SEMA5A: variants seen among roughly 807,000 people sequenced by gnomAD.
The protein encoded by SEMA5A is semaphorin-5A.
In SEMA5A, 55 loss-of-function variants were observed where a neutral mutation model predicts 135.5. The ratio of observed to expected loss-of-function variants is 0.41; its 90% CI spans 0.33 to 0.51. The LOEUF (loss-of-function observed/expected upper bound fraction) is 0.51, where lower values mean the gene tolerates loss of function less well. Among genes scored for constraint, SEMA5A ranks in the 20% least tolerant of loss-of-function variants. The pLI is 0.37. For synonymous variants in SEMA5A, 580 were observed against 546.5 expected, an observed-to-expected ratio of 1.06 and a Z score of -0.85; for missense variants, 1,290 against 1,419.9, an observed-to-expected ratio of 0.91 and a Z score of 1.47.
intron 1 of SEMA5A, among the ~76,000 whole-genome samples, chr5:9,507,831 C>G (rs75341569): frequency 8.6e-5 from 13 of 151,830 alleles, no homozygotes; most frequent in Non-Finnish European, 1.8e-4. Flanking sequence ...GGTGAAACCC[C>G]GTCTCTTCTA....
Position 9,462,241 on chromosome 5 carries a change from C to T in SEMA5A, c.-174-24389G>A, listed in dbSNP as rs186228606. On this transcript the variant is annotated intron_variant, in intron 1 of 22. Transcript: ENST00000382496. The stretch of plus-strand genomic sequence containing the variant: ...TGAGAAAGATCTCAACATCACTGAT[C>T]GTTGAAGAAATGCAAACCAAAACCA... 5.8e-4 allele frequency among the ~76,000 whole-genome samples: 89 copies of T among 152,246 alleles called. 1 individual carries two copies. The East Asian group carries it at 0.013, about 23-fold the overall frequency.
intron 11 of SEMA5A, among the ~76,000 whole-genome samples, chr5:9,162,748 C>A (rs549140117): frequency 2.6e-4 from 40 of 151,456 alleles, no homozygotes; most frequent in Non-Finnish European, 5.1e-4. Flanking sequence ...CCAAGTTAAC[C>A]TTTCAAACAG....
intron 4 of SEMA5A, among the ~76,000 whole-genome samples, chr5:9,320,218 CCCCAAGAGAAGCT>C (rs1752567236): frequency 6.6e-6 from 1 of 152,198 alleles, no homozygotes; most frequent in East Asian, 1.9e-4. Flanking sequence ...CTCTGATATA[CCCCAAGAGAAGCT>C]CCCAGAAGCA....
chr5:9,454,711 G>A (rs1023794803), intron 1 of SEMA5A, among the ~76,000 whole-genome samples: 8 of 152,154 alleles, frequency 5.3e-5, no homozygotes, highest in African/African-American at 1.9e-4. Flanking sequence ...AGTCTTAAGC[G>A]CTTCTCCTCT....
chr5:9,377,554 G>C (rs1755416680), intron 3 of SEMA5A, among the ~76,000 whole-genome samples: 1 of 151,870 alleles, frequency 6.6e-6, no homozygotes, highest in African/African-American at 2.4e-5. Flanking sequence ...AAAAAAGAGA[G>C]AGAAAAAAGT....
At chr5:9,162,402 GTGTATATATA>G (rs754451745) in intron 11 of SEMA5A, among the ~76,000 whole-genome samples, 28 of 132,696 alleles carry the variant, frequency 2.1e-4, no homozygotes, top group African/African-American at 8.7e-4. Context: ...GTGTGTGTGT[GTGTATATATA>G]TGTGTGTGTA....
At chr5:9,534,948 G>A (rs948146229) in intron 1 of SEMA5A, among the ~76,000 whole-genome samples, 4 of 152,184 alleles carry the variant, frequency 2.6e-5, no homozygotes, top group African/African-American at 9.7e-5. Flanking sequence ...CTCTTGTCCT[G>A]ACTTGTGTAA....
chr5:9,192,869 T>TA (rs892092733), intron 10 of SEMA5A, among the ~76,000 whole-genome samples: 1 of 151,464 alleles, frequency 6.6e-6, no homozygotes, highest in East Asian at 1.9e-4. Flanking sequence ...GCATAGTGTT[T>TA]AAAAAAAAAT....
chr5:9,249,649 T>C (rs1458043279), intron 5 of SEMA5A, among the ~76,000 whole-genome samples: 2 of 152,312 alleles, frequency 1.3e-5, no homozygotes, highest in East Asian at 1.9e-4. Flanking sequence ...GATGTAGTTG[T>C]TGATATAAAA....
intron 16 of SEMA5A, among the ~76,000 whole-genome samples, chr5:9,097,458 A>G (rs766963427): frequency 6.6e-6 from 1 of 152,348 alleles, no homozygotes; most frequent in African/African-American, 2.4e-5. Flanking sequence ...GGAGATGACA[A>G]TATCTTTTGA....
chr5:9,400,382 T>C (rs1756598932), intron 2 of SEMA5A, among the ~76,000 whole-genome samples: 1 of 152,060 alleles, frequency 6.6e-6, no homozygotes, highest in Non-Finnish European at 1.5e-5. Context: ...TAAAAATAAA[T>C]TCTTTTTATC....
At chr5:9,435,964 A>T (rs1490571096) in intron 2 of SEMA5A, among the ~76,000 whole-genome samples, 1 of 152,206 alleles carries the variant, frequency 6.6e-6, no homozygotes, top group Non-Finnish European at 1.5e-5. Flanking sequence ...CTAAAATATG[A>T]CTGTTCTTAT....
Position 9,040,864 on chromosome 5 carries a change from C to G in SEMA5A, c.*2033G>C, listed in dbSNP as rs895189122. ...ATTAGGGAAGAAGACTCAAAAATAA[C>G]TAAAATGTGCTACAAAGTGAAAATG... On this transcript the variant is annotated 3_prime_UTR_variant, in exon 23 of 23. Transcript: ENST00000382496. 1 of 152,150 alleles carries G rather than the reference C, an allele frequency of 6.6e-6. No individual in the cohort carries two copies. The highest frequency in any genetic ancestry group is 2.4e-5 in the African/African-American group (1 of 41,418). 9.4% of individuals were successfully genotyped at this position (152,150 alleles called of 1,614,324 possible). A position where few individuals can be genotyped will look rare whatever the true frequency, so the allele number is the denominator to read the frequency against.
Position 9,042,887 on chromosome 5 carries a change from A to T in SEMA5A, c.*10T>A, listed in dbSNP as rs1465304377. ...TGGGGATTTACAAGAAGCCAAAAACATGAAAGCTGTTAGTACTCATCATAA... is the reference window on the plus strand; with the variant it reads ...TGGGGATTTACAAGAAGCCAAAAACTTGAAAGCTGTTAGTACTCATCATAA... On this transcript the variant is annotated 3_prime_UTR_variant, in exon 23 of 23. Coordinates refer to ENST00000382496, the MANE Select transcript of SEMA5A (RefSeq NM_003966.3). 8 of 1,613,858 alleles carry T rather than the reference A, an allele frequency of 5.0e-6. No homozygotes were observed. The South Asian group carries it at 8.8e-5, about 18-fold the overall frequency.
intron 4 of SEMA5A, among the ~76,000 whole-genome samples, chr5:9,323,535 G>A (rs1752723800): frequency 6.6e-6 from 1 of 151,920 alleles, no homozygotes; most frequent in Admixed American, 6.6e-5. Flanking sequence ...ATCTTACACA[G>A]ATCAACATCT....
rs1024540794 is a variant in SEMA5A at position 9,222,092 on chromosome 5, G to T, written c.646+2582C>A. 4.6e-5 allele frequency among the ~76,000 whole-genome samples: 7 copies of T among 152,188 alleles called. No homozygotes were observed. In the East Asian group the frequency reaches 1.3e-3, roughly 29 times the overall value. The stretch of plus-strand genomic sequence containing the variant: ...GGATTTGGTGGGAGTCAGTGCAGGC[G>T]GGCAGGAGTGGAAGGAGAACTAAAG... On this transcript the variant is annotated intron_variant, in intron 8 of 22. Coordinates refer to ENST00000382496, the MANE Select transcript of SEMA5A (RefSeq NM_003966.3).
chr5:9,267,577 C>G (rs1749749497), intron 5 of SEMA5A, among the ~76,000 whole-genome samples: 1 of 152,066 alleles, frequency 6.6e-6, no homozygotes, highest in African/African-American at 2.4e-5. Context: ...TCTTCTAGAC[C>G]AGTGTTTCTG....
chr5:9,395,024 A>C (rs1055614561), intron 2 of SEMA5A, among the ~76,000 whole-genome samples: 1 of 152,196 alleles, frequency 6.6e-6, no homozygotes, highest in Admixed American at 6.5e-5. Flanking sequence ...AGTCGTAGGA[A>C]AATTTTTAAA....
chr5:9,497,985 C>T (rs1331399186), intron 1 of SEMA5A, among the ~76,000 whole-genome samples: 2 of 152,194 alleles, frequency 1.3e-5, no homozygotes, highest in African/African-American at 2.4e-5. Context: ...AAGACACCAT[C>T]CCAAGTTAAC....
Sources: allele counts gnomAD v4.1 joint callset (sites outside exome capture counted in the v4.1 genomes callset), GRCh38; gene constraint gnomAD v4.1.1; transcripts MANE v1.5; gene names NCBI Gene and HGNC (gene_info 2026-07-23, HGNC 2026-07-21).